SYN3: variants seen among roughly 807,000 people sequenced by gnomAD.
SYN3 encodes the protein synapsin-3.
A neutral mutation model predicts 65.8 loss-of-function variants in SYN3; 35 were observed. The observed-to-expected ratio is 0.53, with a 90% CI of 0.41 to 0.70. The LOEUF (loss-of-function observed/expected upper bound fraction) is 0.70, where lower values mean the gene tolerates loss of function less well. SYN3 is among the 30% of genes least tolerant of loss of function. SYN3 has a pLI of 0.00. For synonymous variants in SYN3, 270 were observed against 292.9 expected, an observed-to-expected ratio of 0.92 and a Z score of 0.80; for missense variants, 680 against 749.0, an observed-to-expected ratio of 0.91 and a Z score of 1.08.
intron 6 of SYN3, among the ~76,000 whole-genome samples, chr22:32,621,258 C>T (rs540120184): frequency 2.7e-5 from 4 of 150,942 alleles, no homozygotes; most frequent in South Asian, 2.1e-4. Context: ...GCTAGAACCA[C>T]GCTGAGGGCC....
intron 4 of SYN3, among the ~76,000 whole-genome samples, chr22:32,910,612 T>A (rs185972321): frequency 6.9e-6 from 1 of 144,244 alleles, no homozygotes; most frequent in Admixed American, 7.1e-5. Flanking sequence ...TGAGCAGCTG[T>A]CTGACCTTGG....
rs976854514 is a variant in SYN3, at chr22:32,914,125, A to T, written c.461+17265T>A. Among the ~76,000 whole-genome samples, 6 of 152,350 alleles carry T rather than the reference A, an allele frequency of 3.9e-5. 1 individual carries two copies. Among genetic ancestry groups the T allele is most frequent in the East Asian group, 1.9e-4 (1 of 5,186 alleles). ...AACTGGGGCACAGCAAGATTCGTTA[A>T]CTTGTCCAATGTAAGTGACAGCGCT... On this transcript the variant is annotated intron_variant, in intron 4 of 13. Coordinates refer to ENST00000358763, the MANE Select transcript of SYN3 (RefSeq NM_003490.4).
chr22:32,685,430 A>G (rs2060577036), intron 6 of SYN3, among the ~76,000 whole-genome samples: 2 of 152,244 alleles, frequency 1.3e-5, no homozygotes, highest in South Asian at 4.1e-4. Flanking sequence ...TGAACCGCAT[A>G]TACAACAGTG....
At chr22:32,964,848 C>G (rs1392701344) in intron 3 of SYN3, among the ~76,000 whole-genome samples, 1 of 152,102 alleles carries the variant, frequency 6.6e-6, no homozygotes, top group Non-Finnish European at 1.5e-5. Flanking sequence ...TGGTGCTGAC[C>G]TTTTATTATT....
chr22:32,821,877 C>T (rs184218321), intron 6 of SYN3, among the ~76,000 whole-genome samples: 5 of 152,302 alleles, frequency 3.3e-5, no homozygotes, highest in Admixed American at 6.5e-5. Context: ...AAGTTGAGGC[C>T]GAGCGCAGTG....
At chr22:32,604,031 G>T (rs573898253) in intron 6 of SYN3, among the ~76,000 whole-genome samples, 1 of 152,234 alleles carries the variant, frequency 6.6e-6, no homozygotes, top group Non-Finnish European at 1.5e-5. Flanking sequence ...GAGGATTAGA[G>T]ATGGGAGTGG....
chr22:32,657,412 C>T (rs949623279), intron 6 of SYN3, among the ~76,000 whole-genome samples: 3 of 150,558 alleles, frequency 2.0e-5, no homozygotes, highest in South Asian at 2.1e-4. Context: ...CGTGAGCCAC[C>T]GCGCCCGGCC....
chr22:32,754,036 G>A (rs1602062735), intron 6 of SYN3, among the ~76,000 whole-genome samples: 2 of 152,136 alleles, frequency 1.3e-5, no homozygotes, highest in Admixed American at 6.5e-5. Flanking sequence ...ATAACCACTC[G>A]AAGTCCCCGG....
rs1398690729 is a variant in SYN3 at position 32,819,098 on chromosome 22, G to A, written c.711+45817C>T. 2.6e-5 allele frequency among the ~76,000 whole-genome samples: 4 copies of A among 152,262 alleles called. No homozygotes were observed. The East Asian group carries it at 7.7e-4, about 29-fold the overall frequency. On this transcript the variant is annotated intron_variant, in intron 6 of 13. Transcript: ENST00000358763. The stretch of plus-strand genomic sequence containing the variant: ...GCTGGATCTGCCACTTGGCCAGGGG[G>A]TCACAGGGTTTCAGATTGCTCAGGG...
intron 6 of SYN3, among the ~76,000 whole-genome samples, chr22:32,629,325 C>A (rs1481610849): frequency 6.6e-6 from 1 of 152,112 alleles, no homozygotes; most frequent in Non-Finnish European, 1.5e-5. Context: ...GGAGAGAGGC[C>A]CAGATGCCAT....
chr22:32,909,877 G>C (rs1363582505), intron 4 of SYN3, among the ~76,000 whole-genome samples: 2 of 152,144 alleles, frequency 1.3e-5, no homozygotes, highest in Non-Finnish European at 2.9e-5. Flanking sequence ...CCTGGGACTG[G>C]GGGCACCTGT....
At chr22:32,926,060 C>T (rs917373400) in intron 4 of SYN3, among the ~76,000 whole-genome samples, 34 of 152,090 alleles carry the variant, frequency 2.2e-4, no homozygotes, top group Non-Finnish European at 1.5e-4. Flanking sequence ...CCATATTGCC[C>T]AGGCTTGTCT....
chr22:32,990,313 C>A (rs62234232), intron 2 of SYN3, among the ~76,000 whole-genome samples: 32 of 70,472 alleles, frequency 4.5e-4, no homozygotes, highest in South Asian at 2.5e-3. Context: ...TCCATCCATC[C>A]ATCCATCCAT....
intron 2 of SYN3, among the ~76,000 whole-genome samples, chr22:32,998,756 G>A (rs977400484): frequency 3.3e-5 from 4 of 119,732 alleles, no homozygotes; most frequent in Non-Finnish European, 6.4e-5. Context: ...CTGGGATTCT[G>A]GTACATTCTA....
At position 32,896,098 on chromosome 22, in the gene SYN3, T is replaced by C. The variant is rs374282351; in HGVS notation, c.462-26973A>G. Reference sequence around the variant, plus strand: ...AGTCTAGCTTTCAAGTCAAGAAATATACACACACATATAAATATGATATTG... The same window carrying C: ...AGTCTAGCTTTCAAGTCAAGAAATACACACACACATATAAATATGATATTG... On this transcript the variant is annotated intron_variant, in intron 4 of 13. Coordinates refer to ENST00000358763, the MANE Select transcript of SYN3 (RefSeq NM_003490.4). 6.6e-5 allele frequency among the ~76,000 whole-genome samples: 10 copies of C among 152,306 alleles called. No homozygotes were observed. In the East Asian group the frequency reaches 1.9e-3, roughly 29 times the overall value.
chr22:32,657,565 C>T (rs1357616773), intron 6 of SYN3, among the ~76,000 whole-genome samples: 1 of 152,230 alleles, frequency 6.6e-6, no homozygotes, highest in Non-Finnish European at 1.5e-5. Flanking sequence ...TGGCCTTCAA[C>T]CAGGGGCTAC....
chr22:32,807,348 A>AATATATAATATATAAAT (rs2046774652), intron 6 of SYN3, among the ~76,000 whole-genome samples: 1 of 33,424 alleles, frequency 3.0e-5, no homozygotes, highest in Non-Finnish European at 6.7e-5. Context: ...ATAATATATA[A>AATATATAATATATAAAT]ATATATAATA....
chr22:32,832,071 TA>T lies in SYN3; in HGVS notation c.711+32843del, dbSNP rs1291835682. 1.6e-4 allele frequency among the ~76,000 whole-genome samples: 24 copies of T among 152,278 alleles called. No individual in the cohort carries two copies. In the East Asian group the frequency reaches 4.4e-3, roughly 28 times the overall value. On this transcript the variant is annotated intron_variant, in intron 6 of 13. Coordinates refer to ENST00000358763, the MANE Select transcript of SYN3 (RefSeq NM_003490.4). Reference sequence around the variant, plus strand: ...CAGCTGATGGACCAGGTGGGGTGATTAGGGGCCAACTCCGTACTTGTTTCTG... The same window carrying T: ...CAGCTGATGGACCAGGTGGGGTGATTGGGGCCAACTCCGTACTTGTTTCTG...
chr22:32,649,115 A>G (rs929597076), intron 6 of SYN3, among the ~76,000 whole-genome samples: 2 of 152,192 alleles, frequency 1.3e-5, no homozygotes, highest in African/African-American at 4.8e-5. Context: ...TACTTCCCCT[A>G]TCCCTAATTC....
Sources: gnomAD v4.1 joint callset for allele counts (sites outside exome capture counted in the v4.1 genomes callset) on GRCh38, gnomAD v4.1.1 for gene constraint, MANE v1.5 for transcripts, NCBI Gene and HGNC (gene_info 2026-07-23, HGNC 2026-07-21) for gene names.